ABL2: variants seen among roughly 807,000 people sequenced by gnomAD.
ABL2 encodes tyrosine-protein kinase ABL2.
ABL2 carries 49 observed loss-of-function variants against 107.7 expected under a neutral mutation model. The observed-to-expected ratio is 0.45, with a 90% CI of 0.36 to 0.58. ABL2 has a LOEUF of 0.58. ABL2 is among the 20% of genes least tolerant of loss of function. ABL2 has a pLI of 0.00. For synonymous variants in ABL2, 549 were observed against 548.6 expected (o/e 1.00, Z -0.01); for missense variants, 1,245 against 1,457.0 (o/e 0.85, Z 2.37).
intron 3 of ABL2, among the ~76,000 whole-genome samples, chr1:179,130,936 A>T (rs1656253719): frequency 1.4e-5 from 2 of 142,616 alleles, no homozygotes; most frequent in Non-Finnish European, 3.0e-5. Flanking sequence ...TTTCAGGATA[A>T]TTTTTTTTTT....
intron 10 of ABL2, 100 bp downstream of exon 10, chr1:179,112,209 C>T: frequency 1.9e-6 from 2 of 1,039,066 alleles, no homozygotes; most frequent in Non-Finnish European, 2.9e-6. Context: ...GAGTCTCAAA[C>T]TCCACAAAAG....
chr1:179,223,454 G>A (rs1158197828), intron 1 of ABL2, among the ~76,000 whole-genome samples: 6 of 148,828 alleles, frequency 4.0e-5, no homozygotes, highest in Non-Finnish European at 4.4e-5. Flanking sequence ...ATAAACTATC[G>A]AATAAAGCAG....
chr1:179,190,550 C>T (rs1168826986), intron 1 of ABL2, among the ~76,000 whole-genome samples: 4 of 151,796 alleles, frequency 2.6e-5, no homozygotes, highest in Non-Finnish European at 5.9e-5. Flanking sequence ...TTGTTGATGA[C>T]GTTGATGACG....
intron 1 of ABL2, among the ~76,000 whole-genome samples, chr1:179,197,670 A>G (rs1017125185): frequency 6.6e-6 from 1 of 152,032 alleles, no homozygotes; most frequent in African/African-American, 2.4e-5. Flanking sequence ...GGAGTTTGAG[A>G]CTACCTTGAT....
rs759437197 is a variant in ABL2, at chr1:179,108,809, A to T, written c.2458T>A (p.Ser820Thr). Residue 820 changes from serine to threonine, a missense_variant, in exon 12 of 12, where the codon TCT becomes ACT. Ser to Thr is a moderately conservative substitution (Grantham distance 58). Coordinates refer to ENST00000502732, the MANE Select transcript of ABL2 (RefSeq NM_007314.4). ...CTGTCCACATTCTCTTCTGGCTGAG[A>T]AGAGGTGGACACTGTCCTTTCCAGC... ...LQLERTVSTSSQPEENVDRAN... is the reference protein window; with the variant it reads ...LQLERTVSTSTQPEENVDRAN... 4 of 1,614,076 alleles carry T rather than the reference A, an allele frequency of 2.5e-6. No individual in the cohort carries two copies. In the South Asian group the frequency reaches 4.4e-5, roughly 18 times the overall value.
chr1:179,154,212 G>C (rs990874850), intron 1 of ABL2, among the ~76,000 whole-genome samples: 5 of 152,084 alleles, frequency 3.3e-5, no homozygotes, highest in African/African-American at 9.7e-5. Context: ...ATCCCCACAA[G>C]TTCCCCAAGT....
chr1:179,182,351 C>A (rs186135187), intron 1 of ABL2, among the ~76,000 whole-genome samples: 3 of 152,244 alleles, frequency 2.0e-5, no homozygotes, highest in Admixed American at 1.3e-4. Flanking sequence ...CTCAAATGAG[C>A]CCTTAACACT....
intron 1 of ABL2, among the ~76,000 whole-genome samples, chr1:179,191,208 A>G (rs1660989871): frequency 1.3e-5 from 2 of 152,196 alleles, no homozygotes; most frequent in African/African-American, 4.8e-5. Context: ...CCAGTACTTT[A>G]TATTCTTACT....
rs553635718 is a variant in ABL2, at chr1:179,190,328, C to T, written c.157+38913G>A. On this transcript the variant is annotated intron_variant, in intron 1 of 11. Transcript: ENST00000502732. Reference sequence around the variant, plus strand: ...GGAACTCAGGGAAACACTTTACATACGTTTACTTATTTATTATAAAGGATA... The same window carrying T: ...GGAACTCAGGGAAACACTTTACATATGTTTACTTATTTATTATAAAGGATA... Among the ~76,000 whole-genome samples, 7 of 152,118 alleles carry T rather than the reference C, an allele frequency of 4.6e-5. No individual in the cohort carries two copies. In the South Asian group the frequency reaches 1.0e-3, roughly 23 times the overall value.
At chr1:179,183,266 C>A (rs868819413) in intron 1 of ABL2, among the ~76,000 whole-genome samples, 34 of 152,064 alleles carry the variant, frequency 2.2e-4, no homozygotes, top group African/African-American at 6.8e-4. Context: ...TTACTTAATG[C>A]GTACAACTTA....
chr1:179,192,383 T>C (rs1661074738), intron 1 of ABL2, among the ~76,000 whole-genome samples: 1 of 152,246 alleles, frequency 6.6e-6, no homozygotes, highest in African/African-American at 2.4e-5. Flanking sequence ...CCACCAACAC[T>C]GTTATCTCCA....
chr1:179,169,150 A>C (rs1165651278), intron 1 of ABL2, among the ~76,000 whole-genome samples: 1 of 152,140 alleles, frequency 6.6e-6, no homozygotes, highest in Non-Finnish European at 1.5e-5. Context: ...ATAGAAATGA[A>C]ATATCAGTGT....
chr1:179,126,354 AGGT>A lies in ABL2; in HGVS notation c.687+20_687+22del, dbSNP rs770041487. ...CACAGAGTAGCCAGTCCATGCTTAAAGGTGGTGACCAGGGAGTCTTACCTTGCC... is the reference window on the plus strand; with the variant it reads ...CACAGAGTAGCCAGTCCATGCTTAAAGGTGACCAGGGAGTCTTACCTTGCC... On this transcript the variant is annotated intron_variant, in intron 4 of 11. Coordinates refer to ENST00000502732, the MANE Select transcript of ABL2 (RefSeq NM_007314.4). The surrounding 1 kb of genome is among the most constrained non-coding windows in gnomAD (Gnocchi z 4.4). 5 of 1,602,870 alleles carry A rather than the reference AGGT, an allele frequency of 3.1e-6. No individual in the cohort carries two copies. The East Asian group carries it at 1.1e-4, about 36-fold the overall frequency.
intron 1 of ABL2, among the ~76,000 whole-genome samples, chr1:179,187,104 T>A (rs1660719521): frequency 6.6e-6 from 1 of 152,144 alleles, no homozygotes; most frequent in Admixed American, 6.6e-5. Context: ...CCATGTCTAG[T>A]CTCTTTGTCT....
At chr1:179,226,935 T>C (rs916389915) in intron 1 of ABL2, among the ~76,000 whole-genome samples, 7 of 152,176 alleles carry the variant, frequency 4.6e-5, no homozygotes, top group South Asian at 4.1e-4. Flanking sequence ...CTCTGTTATG[T>C]TCACAGCAAC....
At chr1:179,149,451 T>A (rs1658230970) in intron 1 of ABL2, among the ~76,000 whole-genome samples, 4 of 152,344 alleles carry the variant, frequency 2.6e-5, no homozygotes, top group African/African-American at 9.6e-5. Flanking sequence ...AGATCACCGA[T>A]GAATGTGGCC....
chr1:179,224,134 C>CAAAAAA lies in ABL2; in HGVS notation c.157+5101_157+5106dup, dbSNP rs1181284107. Among the ~76,000 whole-genome samples, 220 of 34,426 alleles carry CAAAAAA rather than the reference C, an allele frequency of 6.4e-3. 7 individuals carry two copies. The highest frequency in any genetic ancestry group is 1.0e-2 in the Admixed American group (21 of 2,104). The allele number at this position is 34,426 out of a possible 152,430, so 22.6% of individuals were successfully genotyped here. On this transcript the variant is annotated intron_variant, in intron 1 of 11. Coordinates refer to ENST00000502732, the MANE Select transcript of ABL2 (RefSeq NM_007314.4). ...CAAGAGAGTGAGACCCTACTCACTA[C>CAAAAAA]AAAAAAAAAAAAAAAAAAAAAAAAC...
In ABL2 at chr1:179,175,686, G is replaced by A. The variant is rs998733738; in HGVS notation, c.158-42312C>T. Among the ~76,000 whole-genome samples the A allele has an allele frequency of 7.2e-5, 11 of 152,020 alleles. No homozygotes were observed. In the South Asian group the frequency reaches 8.3e-4, roughly 11 times the overall value. On this transcript the variant is annotated intron_variant, in intron 1 of 11. Coordinates refer to ENST00000502732, the MANE Select transcript of ABL2 (RefSeq NM_007314.4). The stretch of plus-strand genomic sequence containing the variant: ...CTTAGCAGACAGATATCCTAGGGAG[G>A]TTTTACTACTGTCTGGCATGTCACT...
rs145815329 is a variant in ABL2 at position 179,167,915 on chromosome 1, G to A, written c.158-34541C>T. ...AGAAACTTTAACCCGGGAGGCAGAG[G>A]TTGCAATGAGCCGAGATCGTGCCAC... On this transcript the variant is annotated intron_variant, in intron 1 of 11. Coordinates refer to ENST00000502732, the MANE Select transcript of ABL2 (RefSeq NM_007314.4). 5.1e-4 allele frequency among the ~76,000 whole-genome samples: 78 copies of A among 152,270 alleles called. 1 individual carries two copies. In the South Asian group the frequency reaches 8.9e-3, roughly 17 times the overall value.
Sources: gnomAD v4.1 joint callset for allele counts (sites outside exome capture counted in the v4.1 genomes callset) on GRCh38, gnomAD v4.1.1 for gene constraint, Gnocchi (gnomAD v3.1) non-coding constraint, MANE v1.5 for transcripts, NCBI Gene and HGNC (gene_info 2026-07-23, HGNC 2026-07-21) for gene names.